Variants in GLG1 observed in about 807,000 individuals in gnomAD.
GLG1 encodes the protein Golgi apparatus protein 1.
In GLG1, 38 loss-of-function variants were observed where a neutral mutation model predicts 160.5. The observed-to-expected ratio is 0.24, with a 90% CI of 0.18 to 0.31. The LOEUF is 0.31. GLG1 is among the 10% of genes least tolerant of loss of function. GLG1 has a pLI of 1.00. For synonymous variants in GLG1, 644 were observed against 543.4 expected, an observed-to-expected ratio of 1.19 and a Z score of -2.57; for missense variants, 1,373 against 1,505.2, an observed-to-expected ratio of 0.91 and a Z score of 1.45.
At chr16:74,532,569 G>A (rs1472443515) in intron 1 of GLG1, among the ~76,000 whole-genome samples, 1 of 151,680 alleles carries the variant, frequency 6.6e-6, no homozygotes, top group Non-Finnish European at 1.5e-5. Flanking sequence ...TGTCACCCAG[G>A]CTGCCATGCA....
chr16:74,592,824 T>C (rs944893422), intron 1 of GLG1, among the ~76,000 whole-genome samples: 4 of 152,190 alleles, frequency 2.6e-5, no homozygotes, highest in African/African-American at 7.2e-5. Flanking sequence ...CCTCAGCAAA[T>C]GGCTGCTATC....
intron 1 of GLG1, among the ~76,000 whole-genome samples, chr16:74,535,104 C>T (rs2017651290): frequency 6.6e-6 from 1 of 152,286 alleles, no homozygotes; most frequent in Non-Finnish European, 1.5e-5. Context: ...TGAAGCAAAG[C>T]CATCTCGAAT....
intron 1 of GLG1, among the ~76,000 whole-genome samples, chr16:74,596,446 T>G (rs577604452): frequency 6.6e-6 from 1 of 151,750 alleles, no homozygotes; most frequent in Non-Finnish European, 1.5e-5. Context: ...GGAGAATTGC[T>G]TGAACTCGGG....
At chr16:74,600,246 A>G (rs1219815877) in intron 1 of GLG1, among the ~76,000 whole-genome samples, 1 of 152,102 alleles carries the variant, frequency 6.6e-6, no homozygotes, top group African/African-American at 2.4e-5. Context: ...CGCTTAGAAC[A>G]AGGCTAAGTG....
At chr16:74,469,586 TC>T (rs2015124132) in intron 16 of GLG1, 1 of 194,810 alleles carries the variant, frequency 5.1e-6, no homozygotes, top group Admixed American at 5.3e-5. Context: ...AGATTCTGTT[TC>T]TTCACTAAAT....
intron 2 of GLG1, among the ~76,000 whole-genome samples, chr16:74,518,275 C>T (rs757274156): frequency 6.6e-6 from 1 of 152,138 alleles, no homozygotes; most frequent in Non-Finnish European, 1.5e-5. Context: ...AAGTTGGAGG[C>T]ATCATGCTAC....
chr16:74,603,145 C>T (rs1481015510), intron 1 of GLG1, among the ~76,000 whole-genome samples: 1 of 151,944 alleles, frequency 6.6e-6, no homozygotes, highest in African/African-American at 2.4e-5. Context: ...GGCGCAATAG[C>T]TCATGACTGT....
At chr16:74,482,768 A>C (rs1246373049) in intron 10 of GLG1, among the ~76,000 whole-genome samples, 3 of 152,196 alleles carry the variant, frequency 2.0e-5, no homozygotes, top group Non-Finnish European at 2.9e-5. Context: ...GTAGTATCAG[A>C]AACATTTTGA....
At chr16:74,568,146 T>A (rs2018713013) in intron 1 of GLG1, among the ~76,000 whole-genome samples, 1 of 152,216 alleles carries the variant, frequency 6.6e-6, no homozygotes. Flanking sequence ...ACGTGGAGAC[T>A]GTGAAAGAAG....
intron 2 of GLG1, among the ~76,000 whole-genome samples, chr16:74,514,799 T>A (rs1436060655): frequency 6.6e-6 from 1 of 152,108 alleles, no homozygotes; most frequent in African/African-American, 2.4e-5. Context: ...AATATTAACC[T>A]TAAATGTAAA....
At chr16:74,538,674 T>C (rs13336493) in intron 1 of GLG1, among the ~76,000 whole-genome samples, 48,354 of 151,538 alleles carry the variant, frequency 0.32, 8,484 homozygotes, top group South Asian at 0.53. Context: ...TCTTTAGCAT[T>C]CAACTACCTT....
chr16:74,506,675 A>C (rs920819631), intron 3 of GLG1, among the ~76,000 whole-genome samples: 4 of 151,038 alleles, frequency 2.6e-5, no homozygotes, highest in African/African-American at 9.7e-5. Context: ...TTTAGCTTCA[A>C]TCACTTGAGA....
intron 1 of GLG1, among the ~76,000 whole-genome samples, chr16:74,592,206 G>C (rs1401318438): frequency 6.6e-6 from 1 of 152,142 alleles, no homozygotes; most frequent in Admixed American, 6.5e-5. Context: ...GCAATAGAGC[G>C]ATCTTGGCTC....
chr16:74,604,868 G>A (rs930216432), intron 1 of GLG1, among the ~76,000 whole-genome samples: 2 of 152,118 alleles, frequency 1.3e-5, no homozygotes, highest in Non-Finnish European at 2.9e-5. Flanking sequence ...GGCCAACATG[G>A]TGAAACCCTG....
At chr16:74,508,970 G>C (rs768765233) in intron 2 of GLG1, 45 bp from the exon 3 acceptor site, 1 of 801,346 alleles carries the variant, frequency 1.2e-6, no homozygotes, top group Non-Finnish European at 2.1e-6. Context: ...ACTCCAGTTA[G>C]AACAGTACGA....
At chr16:74,467,264 A>G (rs1446820757) in intron 18 of GLG1, among the ~76,000 whole-genome samples, 1 of 152,256 alleles carries the variant, frequency 6.6e-6, no homozygotes, top group Non-Finnish European at 1.5e-5. Flanking sequence ...AGTAGTAACG[A>G]GAACATTTTT....
chr16:74,462,308 C>T (rs2014832687), intron 21 of GLG1, 113 bp from the exon 22 acceptor site: 2 of 786,132 alleles, frequency 2.5e-6, no homozygotes, highest in South Asian at 1.7e-5. Context: ...AAGAAAAAAA[C>T]AAAAAGAACA....
At chr16:74,506,106 G>A (rs1182301512) in intron 3 of GLG1, among the ~76,000 whole-genome samples, 11 of 88,430 alleles carry the variant, frequency 1.2e-4, no homozygotes, top group Admixed American at 3.8e-4. Flanking sequence ...TTTTTTTGCC[G>A]AACAAAACAG....
chr16:74,600,690 C>A (rs1352402461), intron 1 of GLG1, among the ~76,000 whole-genome samples: 2 of 149,954 alleles, frequency 1.3e-5, no homozygotes, highest in African/African-American at 4.9e-5. Flanking sequence ...CAAGAATACG[C>A]CATTGCACTC....
Sources: gnomAD v4.1 joint callset for allele counts (sites outside exome capture counted in the v4.1 genomes callset) on GRCh38, gnomAD v4.1.1 for gene constraint, MANE v1.5 for transcripts, NCBI Gene and HGNC (gene_info 2026-07-23, HGNC 2026-07-21) for gene names.